Variants in SPSB1 observed in about 807,000 individuals in gnomAD.
SPSB1 encodes the protein splA/ryanodine receptor domain and SOCS box containing 1, also known as SPRY domain-containing SOCS box protein 1.
A neutral mutation model predicts 21.2 loss-of-function variants in SPSB1; 8 were observed. That is an observed-to-expected ratio of 0.38 (90% CI 0.22 to 0.68). The LOEUF (loss-of-function observed/expected upper bound fraction) is 0.68, where lower values mean the gene tolerates loss of function less well. Ranked by LOEUF, SPSB1 falls within the 30% of genes least tolerant of loss-of-function variation. The probability of loss-of-function intolerance (pLI) is 0.53; values close to 1 mark genes in which losing one functional copy is unlikely to be tolerated. For synonymous variants in SPSB1, 169 were observed against 161.7 expected, an observed-to-expected ratio of 1.05 and a Z score of -0.34; for missense variants, 242 against 377.8, an observed-to-expected ratio of 0.64 and a Z score of 2.98.
chr1:9,320,206 C>T (rs1370998664), intron 1 of SPSB1, among the ~76,000 whole-genome samples: 1 of 152,202 alleles, frequency 6.6e-6, no homozygotes, highest in African/African-American at 2.4e-5. Context: ...CAGATATTTG[C>T]GGAGCACCCA....
intron 2 of SPSB1, among the ~76,000 whole-genome samples, chr1:9,365,481 C>T (rs10864411): frequency 0.4 from 61,549 of 152,020 alleles, 12,876 homozygotes; most frequent in African/African-American, 0.52. Flanking sequence ...GTCCATTCTT[C>T]TATTTTGTAA....
chr1:9,326,908 T>G (rs766432426), intron 1 of SPSB1, among the ~76,000 whole-genome samples: 30 of 152,206 alleles, frequency 2.0e-4, no homozygotes, highest in Non-Finnish European at 3.4e-4. Context: ...GCGCCTTTTT[T>G]AGGTGGAGGC....
Position 9,292,925 on chromosome 1 carries a change from C to G in SPSB1, c.-296C>G, listed in dbSNP as rs1351838344. ...AAGTCGCGCTCGGGCAGCCTGCGCG[C>G]TCGCAGCAGGAACCAGGCTCCAGGC... On this transcript the variant is annotated 5_prime_UTR_variant, in exon 1 of 3. Coordinates refer to ENST00000328089, the MANE Select transcript of SPSB1 (RefSeq NM_025106.4). 1.0e-6 allele frequency: 1 copy of G among 972,306 alleles called. No individual in the cohort carries two copies. The highest frequency in any genetic ancestry group is 1.2e-6 in the Non-Finnish European group (1 of 826,032). 60.2% of individuals were successfully genotyped at this position (972,306 alleles called of 1,614,324 possible).
chr1:9,312,217 C>T (rs910859568), intron 1 of SPSB1, among the ~76,000 whole-genome samples: 3 of 151,824 alleles, frequency 2.0e-5, no homozygotes, highest in Admixed American at 2.0e-4. Flanking sequence ...ACCCAGGCTG[C>T]AGTGCTATGT....
At chr1:9,339,385 G>A in intron 1 of SPSB1, 1 of 838,290 alleles carries the variant, frequency 1.2e-6, no homozygotes. Context: ...CCAGGTTCTG[G>A]CAGGACCCAG....
In SPSB1 at chr1:9,339,333, G is replaced by A. The variant is rs904556153; in HGVS notation, c.-149-16410G>A. 25 of 977,738 alleles carry A rather than the reference G, an allele frequency of 2.6e-5. No individual in the cohort carries two copies. The African/African-American group carries it at 4.0e-4, about 16-fold the overall frequency. 60.6% of individuals were successfully genotyped at this position (977,738 alleles called of 1,614,324 possible). Reference sequence around the variant, plus strand: ...ACATGTGGGTGGTCTCGGGTGGGGCGTGGACTTCAGCTAGGACTTAGGGCT... The same window carrying A: ...ACATGTGGGTGGTCTCGGGTGGGGCATGGACTTCAGCTAGGACTTAGGGCT... On this transcript the variant is annotated intron_variant, in intron 1 of 2. Transcript: ENST00000328089.
At chr1:9,364,214 C>T (rs1347954328) in intron 2 of SPSB1, among the ~76,000 whole-genome samples, 3 of 152,258 alleles carry the variant, frequency 2.0e-5, no homozygotes, top group Non-Finnish European at 4.4e-5. Context: ...GAGCTCAGGG[C>T]AGCCCAGACC....
chr1:9,352,866 C>T (rs1430557789), intron 1 of SPSB1, among the ~76,000 whole-genome samples: 1 of 150,790 alleles, frequency 6.6e-6, no homozygotes, highest in African/African-American at 2.4e-5. Context: ...TCACTCTTCC[C>T]ACCTGCTCCC....
In SPSB1 at chr1:9,367,868, T is replaced by A. The variant is rs1640605033; in HGVS notation, c.*293T>A. On this transcript the variant is annotated 3_prime_UTR_variant, in exon 3 of 3. Transcript: ENST00000328089. The surrounding 1 kb of genome is among the most constrained non-coding windows in gnomAD (Gnocchi z 5.9). ...AATAAACTCCTACGAAAGCCCTACATTGAGCTCCAATCTGCTCGGGGTGGG... is the reference window on the plus strand; with the variant it reads ...AATAAACTCCTACGAAAGCCCTACAATGAGCTCCAATCTGCTCGGGGTGGG... The A allele has an allele frequency of 1.0e-5, 4 of 395,582 alleles. No homozygotes were observed. The highest frequency in any genetic ancestry group is 1.4e-5 in the Non-Finnish European group (3 of 216,312). 24.5% of individuals were successfully genotyped at this position (395,582 alleles called of 1,614,324 possible). A position where few individuals can be genotyped will look rare whatever the true frequency, so the allele number is the denominator to read the frequency against.
At chr1:9,351,509 G>A (rs963998302) in intron 1 of SPSB1, 3 of 152,240 alleles carry the variant, frequency 2.0e-5, no homozygotes, top group Admixed American at 1.3e-4. Context: ...GAGAAGCTCA[G>A]GGTGGATCTT....
intron 1 of SPSB1, among the ~76,000 whole-genome samples, chr1:9,314,982 G>A (rs1639585985): frequency 6.6e-6 from 1 of 152,238 alleles, no homozygotes; most frequent in Non-Finnish European, 1.5e-5. Context: ...TATTCCTTTT[G>A]AAGTCAAGAA....
Position 9,363,033 on chromosome 1 carries a change from C to T in SPSB1, c.695-4415C>T, listed in dbSNP as rs1263272338. Reference sequence around the variant, plus strand: ...GGAGCTGGGTGCAAAGCTGGCAGCCCCCAGTCAAGAGTGTGGAGGTTGGGG... The same window carrying T: ...GGAGCTGGGTGCAAAGCTGGCAGCCTCCAGTCAAGAGTGTGGAGGTTGGGG... On this transcript the variant is annotated intron_variant, in intron 2 of 2. Transcript: ENST00000328089. This position sits in a 1 kb window ranked among gnomAD's most constrained non-coding sequence, Gnocchi z 4.5. 6.6e-6 allele frequency among the ~76,000 whole-genome samples: 1 copy of T among 152,188 alleles called. No homozygotes were observed. Among genetic ancestry groups the T allele is most frequent in the Non-Finnish European group, 1.5e-5 (1 of 68,040 alleles).
intron 1 of SPSB1, among the ~76,000 whole-genome samples, chr1:9,296,594 A>ACACACGTACACAAACGTGTGCATG (rs1553123073): frequency 3.3e-5 from 5 of 152,086 alleles, no homozygotes; most frequent in Middle Eastern, 6.8e-3. Context: ...ACATGTGTAC[A>ACACACGTACACAAACGTGTGCATG]CACACATACA....
Position 9,293,958 on chromosome 1 carries a change from GTATT to G in SPSB1, c.-150+891_-150+894del, listed in dbSNP as rs1440225690. On this transcript the variant is annotated intron_variant, in intron 1 of 2. Coordinates refer to ENST00000328089, the MANE Select transcript of SPSB1 (RefSeq NM_025106.4). The surrounding 1 kb of genome is among the most constrained non-coding windows in gnomAD (Gnocchi z 5.1). ...TGAGTGTGTCTCTAAGTGCATCTGT[GTATT>G]TATGTGCCTCTGAGTGTGTGTGTGA... Among the ~76,000 whole-genome samples the G allele has an allele frequency of 1.3e-5, 2 of 152,034 alleles. No homozygotes were observed. Among genetic ancestry groups the G allele is most frequent in the East Asian group, 1.9e-4 (1 of 5,192 alleles).
intron 1 of SPSB1, among the ~76,000 whole-genome samples, chr1:9,349,409 G>C (rs1479456016): frequency 6.6e-6 from 1 of 152,252 alleles, no homozygotes; most frequent in Non-Finnish European, 1.5e-5. Context: ...GGCCAGGAGT[G>C]GGGGTAGGTG....
At chr1:9,318,642 C>CT (rs1300788286) in intron 1 of SPSB1, among the ~76,000 whole-genome samples, 2 of 152,218 alleles carry the variant, frequency 1.3e-5, no homozygotes, top group African/African-American at 4.8e-5. Flanking sequence ...CAGGATTGAC[C>CT]AAAGCCAGAC....
chr1:9,340,751 A>G (rs1457104968), intron 1 of SPSB1, among the ~76,000 whole-genome samples: 2 of 152,348 alleles, frequency 1.3e-5, no homozygotes, highest in East Asian at 1.9e-4. Context: ...CAAAGGTAAC[A>G]TGCTGCTGTT....
chr1:9,353,409 G>A (rs1050164293), intron 1 of SPSB1, among the ~76,000 whole-genome samples: 2 of 152,164 alleles, frequency 1.3e-5, no homozygotes, highest in African/African-American at 4.8e-5. Flanking sequence ...AGAGGTTTCA[G>A]TGGCTCCCAG....
At chr1:9,347,442 G>A (rs1057014722) in intron 1 of SPSB1, among the ~76,000 whole-genome samples, 1 of 152,162 alleles carries the variant, frequency 6.6e-6, no homozygotes. Context: ...AATTCAAAAA[G>A]CGTTTTTTCC....
Sources: allele counts gnomAD v4.1 joint callset (sites outside exome capture counted in the v4.1 genomes callset), GRCh38; gene constraint gnomAD v4.1.1; non-coding constraint Gnocchi (gnomAD v3.1); transcripts MANE v1.5; gene names NCBI Gene and HGNC (gene_info 2026-07-23, HGNC 2026-07-21).